UBR3: variants seen among roughly 807,000 people sequenced by gnomAD.
The protein encoded by UBR3 is E3 ubiquitin-protein ligase UBR3.
A neutral mutation model predicts 243.2 loss-of-function variants in UBR3; 85 were observed. The ratio of observed to expected loss-of-function variants is 0.35; its 90% CI spans 0.29 to 0.42. The LOEUF is 0.42. UBR3 is among the 10% of genes least tolerant of loss of function. The pLI is 1.00. For missense variants in UBR3, 1,686 were observed against 2,300.8 expected (o/e 0.73, Z 5.47); for synonymous variants, 748 against 799.8 (o/e 0.94, Z 1.09).
rs1338378329 is a variant in UBR3, at chr2:169,933,843, C to T, written c.2663+835C>T. ...TTTAATGTGGAATTTTAATTCACTT[C>T]CTCCCCCAAACAAAACCAAAACGAT... On this transcript the variant is annotated intron_variant, in intron 19 of 38. Transcript: ENST00000272793. 2.0e-5 allele frequency among the ~76,000 whole-genome samples: 3 copies of T among 151,708 alleles called. No homozygotes were observed. In the Admixed American group the frequency reaches 2.0e-4, roughly 10 times the overall value.
At chr2:170,001,262 T>C (rs1559174274) in intron 26 of UBR3, 42 bp from the exon 27 acceptor site, 2 of 1,371,044 alleles carry the variant, frequency 1.5e-6, no homozygotes, top group Non-Finnish European at 2.1e-6. Context: ...ATGTTTGTAC[T>C]TCTTTAAAAT....
At chr2:169,973,993 C>T (rs143168512) in intron 24 of UBR3, among the ~76,000 whole-genome samples, 3 of 152,230 alleles carry the variant, frequency 2.0e-5, no homozygotes, top group East Asian at 1.9e-4. Context: ...TGATGTATCA[C>T]GTTTATTGAT....
At chr2:169,960,792 G>A (rs1383030538) in intron 24 of UBR3, among the ~76,000 whole-genome samples, 1 of 151,900 alleles carries the variant, frequency 6.6e-6, no homozygotes, top group Non-Finnish European at 1.5e-5. Context: ...TCCATATGAA[G>A]ACATTAAAAC....
chr2:169,885,380 G>T (rs185575289), intron 5 of UBR3, among the ~76,000 whole-genome samples: 1 of 152,080 alleles, frequency 6.6e-6, no homozygotes, highest in East Asian at 1.9e-4. Context: ...TTGGGAGTGC[G>T]AGACTAACCT....
chr2:169,909,761 T>C (rs1168933402), intron 10 of UBR3, among the ~76,000 whole-genome samples: 5 of 142,066 alleles, frequency 3.5e-5, no homozygotes, highest in African/African-American at 1.3e-4. Context: ...ATATATATCT[T>C]GAAACATCAC....
At chr2:169,914,535 G>A (rs1357843954) in intron 11 of UBR3, among the ~76,000 whole-genome samples, 6 of 152,134 alleles carry the variant, frequency 3.9e-5, no homozygotes, top group Non-Finnish European at 8.8e-5. Flanking sequence ...TCTATTAATT[G>A]GACAGTGTTC....
chr2:169,916,032 A>T (rs1377615567), intron 11 of UBR3, among the ~76,000 whole-genome samples: 1 of 152,020 alleles, frequency 6.6e-6, no homozygotes, highest in Non-Finnish European at 1.5e-5. Flanking sequence ...TCATTTCTTT[A>T]TGGATCCCTG....
intron 1 of UBR3, among the ~76,000 whole-genome samples, chr2:169,869,216 G>GT (rs11344991): frequency 0.061 from 3,425 of 56,178 alleles, 208 homozygotes; most frequent in Non-Finnish European, 0.068. Context: ...GATTGATAAG[G>GT]TTTTTTTTTT....
chr2:170,066,045 A>C (rs1377357897), intron 35 of UBR3, among the ~76,000 whole-genome samples: 5 of 152,122 alleles, frequency 3.3e-5, no homozygotes, highest in African/African-American at 7.2e-5. Flanking sequence ...AAAATGTAGA[A>C]ACTTAATGGA....
chr2:169,983,260 T>TC, intron 24 of UBR3, among the ~76,000 whole-genome samples: 1 of 142,962 alleles, frequency 7.0e-6, no homozygotes, highest in East Asian at 2.0e-4. Flanking sequence ...TCCTTTTTTT[T>TC]TTTTTTTTTT....
intron 32 of UBR3, among the ~76,000 whole-genome samples, chr2:170,047,346 A>T (rs1360806506): frequency 6.6e-6 from 1 of 152,194 alleles, no homozygotes; most frequent in Non-Finnish European, 1.5e-5. Context: ...TCCAGAGTTC[A>T]TTAATAGGCT....
In UBR3 at chr2:169,896,469, A is replaced by G. The variant is rs962934969; in HGVS notation, c.1237-38A>G. 17 of 1,269,890 alleles carry G rather than the reference A, an allele frequency of 1.3e-5. No individual in the cohort carries two copies. In the African/African-American group the frequency reaches 2.1e-4, roughly 16 times the overall value. The allele number at this position is 1,269,890 out of a possible 1,614,324, so 78.7% of individuals were successfully genotyped here. On this transcript the variant is annotated intron_variant, in intron 7 of 38. Transcript: ENST00000272793. ...AAATGATTTTAAATTAAAAATTAAA[A>G]CTAATGTGTTTTTTCCTTTCTATTA...
chr2:170,033,575 ACACCC>A (rs1559204506), intron 31 of UBR3, among the ~76,000 whole-genome samples: 1 of 15,904 alleles, frequency 6.3e-5, no homozygotes, highest in Non-Finnish European at 1.0e-4. Flanking sequence ...TGGTTTTTCC[ACACCC>A]ACCCCCCCCC....
At chr2:169,872,686 G>A (rs1051058057) in intron 2 of UBR3, among the ~76,000 whole-genome samples, 16 of 151,994 alleles carry the variant, frequency 1.1e-4, no homozygotes, top group African/African-American at 3.9e-4. Flanking sequence ...GCAATATTAT[G>A]ATAAAGCAGA....
At chr2:170,024,215 G>A (rs894254870) in intron 30 of UBR3, among the ~76,000 whole-genome samples, 3 of 152,080 alleles carry the variant, frequency 2.0e-5, no homozygotes, top group Admixed American at 1.3e-4. Context: ...TTAGCCTGGT[G>A]TGGTGGTGGG....
chr2:170,003,975 G>C (rs765389015), intron 27 of UBR3, among the ~76,000 whole-genome samples: 1 of 152,272 alleles, frequency 6.6e-6, no homozygotes, highest in Admixed American at 6.5e-5. Context: ...ATGAAGTAAG[G>C]TGCTTGAGTG....
intron 24 of UBR3, among the ~76,000 whole-genome samples, chr2:169,965,318 T>C (rs1367916647): frequency 1.3e-5 from 2 of 152,190 alleles, no homozygotes; most frequent in Admixed American, 6.6e-5. Context: ...GTCAAATTCC[T>C]TTTTTTGTGT....
chr2:169,926,492 G>A (rs941255162), intron 14 of UBR3, among the ~76,000 whole-genome samples, 200 bp from the exon 15 acceptor site: 8 of 152,084 alleles, frequency 5.3e-5, no homozygotes, highest in African/African-American at 1.7e-4. Context: ...GGGAGACTGG[G>A]GGATGAGAAT....
intron 24 of UBR3, chr2:169,964,498 G>A: frequency 2.2e-6 from 1 of 464,182 alleles, no homozygotes. Flanking sequence ...TATCCTCTGA[G>A]GAAACTGGAG....
Sources: allele counts gnomAD v4.1 joint callset (sites outside exome capture counted in the v4.1 genomes callset), GRCh38; gene constraint gnomAD v4.1.1; transcripts MANE v1.5; gene names NCBI Gene and HGNC (gene_info 2026-07-23, HGNC 2026-07-21).